CHRM5: variants seen among roughly 807,000 people sequenced by gnomAD.
CHRM5 encodes the protein cholinergic receptor muscarinic 5.
Under a neutral mutation model 39.0 loss-of-function variants are expected in CHRM5, and 18 were observed. The ratio of observed to expected loss-of-function variants is 0.46; its 90% CI spans 0.32 to 0.68. CHRM5 has a LOEUF of 0.68. Among genes scored for constraint, CHRM5 ranks in the 30% least tolerant of loss-of-function variants. The pLI, the probability that CHRM5 is intolerant of heterozygous loss-of-function variation, is 0.04. For synonymous variants in CHRM5, 241 were observed against 246.3 expected, an observed-to-expected ratio of 0.98 and a Z score of 0.20; for missense variants, 515 against 651.1, an observed-to-expected ratio of 0.79 and a Z score of 2.28.
chr15:34,049,404 A>G (rs1012218904), intron 2 of CHRM5, among the ~76,000 whole-genome samples: 4 of 152,246 alleles, frequency 2.6e-5, no homozygotes, highest in African/African-American at 9.6e-5. Context: ...GAACTTTACA[A>G]TGCAATCACA....
intron 1 of CHRM5, among the ~76,000 whole-genome samples, chr15:34,023,181 G>GAA (rs983274134): frequency 2.8e-5 from 4 of 144,950 alleles, no homozygotes; most frequent in Admixed American, 1.4e-4. Flanking sequence ...CTCGGTCTCA[G>GAA]AAAAAAAAAA....
intron 1 of CHRM5, among the ~76,000 whole-genome samples, chr15:34,017,733 G>A (rs1199006574): frequency 6.6e-6 from 1 of 152,082 alleles, no homozygotes; most frequent in East Asian, 1.9e-4. Flanking sequence ...ACCCACCTCA[G>A]CCTCCCAAAG....
chr15:33,975,156 TCTA>T (rs1895829947), intron 1 of CHRM5, among the ~76,000 whole-genome samples: 1 of 152,192 alleles, frequency 6.6e-6, no homozygotes. Context: ...CCCCATCTCT[TCTA>T]CACTCTCTCC....
At chr15:34,053,299 C>CAAAAAA (rs71454513) in intron 2 of CHRM5, among the ~76,000 whole-genome samples, 7 of 51,542 alleles carry the variant, frequency 1.4e-4, no homozygotes, top group African/African-American at 1.8e-4. Flanking sequence ...GACTCCATCT[C>CAAAAAA]AAAAAAAAAA....
At chr15:34,031,415 T>G (rs1898813451) in intron 1 of CHRM5, among the ~76,000 whole-genome samples, 1 of 152,138 alleles carries the variant, frequency 6.6e-6, no homozygotes, top group Non-Finnish European at 1.5e-5. Flanking sequence ...CCTCAGGTGA[T>G]CTGCCTGCCT....
chr15:34,060,301 T>C (rs375375756), intron 2 of CHRM5, among the ~76,000 whole-genome samples: 5 of 152,240 alleles, frequency 3.3e-5, no homozygotes, highest in African/African-American at 1.2e-4. Flanking sequence ...CTGCATGTGT[T>C]TGGGAGGTGA....
At chr15:34,059,274 A>G (rs1487179308) in intron 2 of CHRM5, among the ~76,000 whole-genome samples, 6 of 152,234 alleles carry the variant, frequency 3.9e-5, no homozygotes, top group African/African-American at 1.4e-4. Flanking sequence ...GTATGTGCAC[A>G]TCCAAATTCC....
At chr15:34,020,135 C>T (rs1414942412) in intron 1 of CHRM5, among the ~76,000 whole-genome samples, 1 of 152,000 alleles carries the variant, frequency 6.6e-6, no homozygotes, top group Non-Finnish European at 1.5e-5. Context: ...CATGGTGAAA[C>T]CCCGTCTCTA....
chr15:34,029,819 C>T (rs1457135907), intron 1 of CHRM5, among the ~76,000 whole-genome samples: 1 of 152,166 alleles, frequency 6.6e-6, no homozygotes, highest in Non-Finnish European at 1.5e-5. Context: ...GACTAATCTT[C>T]AATTAGCCCA....
intron 1 of CHRM5, among the ~76,000 whole-genome samples, chr15:34,024,183 C>T (rs1424993613): frequency 6.6e-6 from 1 of 152,100 alleles, no homozygotes; most frequent in Non-Finnish European, 1.5e-5. Context: ...TGAACAAGAC[C>T]AATTCCATGC....
chr15:33,980,847 C>T (rs1363353920), intron 1 of CHRM5, among the ~76,000 whole-genome samples: 1 of 152,122 alleles, frequency 6.6e-6, no homozygotes, highest in Admixed American at 6.5e-5. Flanking sequence ...ACTTGCAATA[C>T]CATTCTGACT....
intron 1 of CHRM5, chr15:34,003,246 G>A (rs374232813): frequency 6.2e-7 from 1 of 1,602,004 alleles, no homozygotes. Flanking sequence ...AGTAAGCAGT[G>A]GAAATCCTGA....
chr15:34,047,059 T>G (rs1166927039), intron 2 of CHRM5, among the ~76,000 whole-genome samples, 188 bp downstream of exon 2: 1 of 143,116 alleles, frequency 7.0e-6, no homozygotes, highest in African/African-American at 2.5e-5. Flanking sequence ...TTTTTTGTTT[T>G]GGTTTTTTTG....
rs1567447382 is a variant in CHRM5 at position 33,983,144 on chromosome 15, G to GTA, written c.-408+13995_-408+13996insAT. 9.7e-4 allele frequency among the ~76,000 whole-genome samples: 115 copies of GTA among 118,212 alleles called. 1 individual carries two copies. Among genetic ancestry groups the GTA allele is most frequent in the Middle Eastern group, 3.8e-3 (1 of 260 alleles). The allele number at this position is 118,212 out of a possible 152,430, so 77.6% of individuals were successfully genotyped here. On this transcript the variant is annotated intron_variant, in intron 1 of 2. Transcript: ENST00000383263. ...GTCCATACTCTGTGTGTGTGTGTGT[G>GTA]TGTGTGTGTGTGTGTATGTGTGTGT... is the stretch of plus-strand genomic sequence containing the variant.
At chr15:33,988,446 A>G (rs1275100215) in intron 1 of CHRM5, among the ~76,000 whole-genome samples, 2 of 152,212 alleles carry the variant, frequency 1.3e-5, no homozygotes, top group Non-Finnish European at 1.5e-5. Context: ...AATGAAACCT[A>G]CCCTATTAAG....
At chr15:34,003,551 G>A (rs1198042265) in intron 1 of CHRM5, among the ~76,000 whole-genome samples, 1 of 152,128 alleles carries the variant, frequency 6.6e-6, no homozygotes, top group Non-Finnish European at 1.5e-5. Flanking sequence ...ACTTCAGGAT[G>A]GAAATCAACT....
intron 1 of CHRM5, among the ~76,000 whole-genome samples, chr15:33,986,435 TAAAC>T (rs1408930684): frequency 6.6e-6 from 1 of 151,936 alleles, no homozygotes; most frequent in Non-Finnish European, 1.5e-5. Flanking sequence ...AAACTCTGTA[TAAAC>T]ACAAGGCAGA....
intron 2 of CHRM5, among the ~76,000 whole-genome samples, chr15:34,056,815 G>A (rs532375700): frequency 1.3e-5 from 2 of 152,174 alleles, no homozygotes; most frequent in South Asian, 2.1e-4. Flanking sequence ...CCAGGAGTTC[G>A]AGGCCAGGAG....
At position 34,063,246 on chromosome 15, in the gene CHRM5, A is replaced by G. The variant is rs1900409275; in HGVS notation, c.529A>G (p.Thr177Ala). ...LCWQYLVGKR[T>A]VPLDECQIQF... is the part of the protein sequence containing the mutation. ...CTGGCAGTACTTGGTTGGGAAGCGG[A>G]CAGTTCCACTGGATGAGTGCCAGAT... Residue 177 changes from threonine to alanine, a missense_variant, in exon 3 of 3, where the codon ACA becomes GCA. Physicochemically the swap from Thr to Ala is moderately conservative, Grantham distance 58. Coordinates refer to ENST00000383263, the MANE Select transcript of CHRM5 (RefSeq NM_012125.4). This position sits in a 1 kb window ranked among gnomAD's most constrained non-coding sequence, Gnocchi z 4.1. 1.2e-6 allele frequency: 2 copies of G among 1,614,030 alleles called. No individual in the cohort carries two copies. The highest frequency in any genetic ancestry group is 2.7e-5 in the African/African-American group (2 of 74,906).
Sources: gnomAD v4.1 joint callset for allele counts (sites outside exome capture counted in the v4.1 genomes callset) on GRCh38, gnomAD v4.1.1 for gene constraint, Gnocchi (gnomAD v3.1) non-coding constraint, MANE v1.5 for transcripts, NCBI Gene and HGNC (gene_info 2026-07-23, HGNC 2026-07-21) for gene names.